The following IMMP2L variants were observed in gnomAD, a reference collection of about 807,000 sequenced individuals.
The protein encoded by IMMP2L is mitochondrial inner membrane protease subunit 2.
A neutral mutation model predicts 19.3 loss-of-function variants in IMMP2L; 18 were observed. The observed-to-expected ratio is 0.93, with a 90% CI of 0.64 to 1.38. IMMP2L has a LOEUF of 1.38. IMMP2L is among the 40% of genes most tolerant of loss of function. IMMP2L has a pLI of 0.00. For missense variants in IMMP2L, 233 were observed against 218.2 expected (o/e 1.07, Z -0.43); for synonymous variants, 76 against 73.0 (o/e 1.04, Z -0.21).
intron 3 of IMMP2L, among the ~76,000 whole-genome samples, chr7:111,279,514 C>T (rs1819466835): frequency 6.6e-6 from 1 of 152,040 alleles, no homozygotes; most frequent in Admixed American, 6.6e-5. Context: ...TTTCTACTAG[C>T]CAAAGGATGC....
rs144951794 is a variant in IMMP2L, at chr7:110,903,148, C to T, written c.306-16453G>A. ...ACAATTAGGTTCCCCCAGAGTGGCA[C>T]CCTTGCTTGCCACACACACCAGGCT... On this transcript the variant is annotated intron_variant, in intron 4 of 5. Transcript: ENST00000405709. Among the ~76,000 whole-genome samples the T allele has an allele frequency of 9.8e-4, 149 of 152,210 alleles. 2 individuals carry two copies. In the East Asian group the frequency reaches 0.014, roughly 14 times the overall value.
chr7:111,341,134 A>G (rs1017757214), intron 3 of IMMP2L, among the ~76,000 whole-genome samples: 2 of 152,142 alleles, frequency 1.3e-5, no homozygotes, highest in Non-Finnish European at 2.9e-5. Context: ...TGAATTCAGC[A>G]GAGCAATATT....
chr7:111,553,543 C>G (rs940412484), intron 1 of IMMP2L, among the ~76,000 whole-genome samples: 1 of 152,066 alleles, frequency 6.6e-6, no homozygotes, highest in African/African-American at 2.4e-5. Flanking sequence ...ACACTTAACA[C>G]ATTTAGAGAA....
At chr7:110,698,705 T>C (rs553487124) in intron 5 of IMMP2L, among the ~76,000 whole-genome samples, 1 of 152,270 alleles carries the variant, frequency 6.6e-6, no homozygotes, top group East Asian at 1.9e-4. Flanking sequence ...GAAAGCCAAA[T>C]GGATTTCGTT....
intron 5 of IMMP2L, among the ~76,000 whole-genome samples, chr7:110,669,310 G>A (rs1336787428): frequency 6.6e-6 from 1 of 152,104 alleles, no homozygotes; most frequent in Non-Finnish European, 1.5e-5. Context: ...GTCTGAAGAC[G>A]ATCTGCTGGT....
chr7:110,703,295 A>G (rs980318379), intron 5 of IMMP2L, among the ~76,000 whole-genome samples: 3 of 152,134 alleles, frequency 2.0e-5, no homozygotes, highest in African/African-American at 4.8e-5. Context: ...TGGTAACAAC[A>G]TATTATCCTT....
chr7:111,249,104 G>T (rs1238582820), intron 3 of IMMP2L, among the ~76,000 whole-genome samples: 1 of 65,110 alleles, frequency 1.5e-5, no homozygotes, highest in Non-Finnish European at 2.9e-5. Flanking sequence ...GCAATGGCGG[G>T]TGCCCCTCCC....
intron 3 of IMMP2L, among the ~76,000 whole-genome samples, chr7:111,231,019 A>C (rs1380721079): frequency 9.7e-6 from 1 of 103,586 alleles, no homozygotes; most frequent in East Asian, 3.0e-4. Context: ...GTAAATAAGT[A>C]GTGGCTGTGT....
At chr7:110,854,858 C>A (rs765284629) in intron 5 of IMMP2L, among the ~76,000 whole-genome samples, 23 of 151,858 alleles carry the variant, frequency 1.5e-4, no homozygotes, top group Non-Finnish European at 2.7e-4. Flanking sequence ...CCACATGCAG[C>A]CTAGTGCCTA....
At chr7:111,468,110 C>A (rs1227899377) in intron 3 of IMMP2L, among the ~76,000 whole-genome samples, 1 of 151,976 alleles carries the variant, frequency 6.6e-6, no homozygotes, top group African/African-American at 2.4e-5. Context: ...TACTAATGGC[C>A]ATAATTACTT....
chr7:110,762,259 A>T (rs1410427443), intron 5 of IMMP2L, among the ~76,000 whole-genome samples: 1 of 151,204 alleles, frequency 6.6e-6, no homozygotes, highest in Non-Finnish European at 1.5e-5. Flanking sequence ...TTTTTTCCCC[A>T]TCGGCAAGGT....
intron 3 of IMMP2L, chr7:111,390,874 C>G (rs1832284622): frequency 6.6e-6 from 1 of 152,102 alleles, no homozygotes; most frequent in Non-Finnish European, 1.5e-5. Flanking sequence ...AGCACAAATG[C>G]AGACACATTA....
chr7:110,693,663 C>G (rs562164150), intron 5 of IMMP2L, among the ~76,000 whole-genome samples: 4 of 152,086 alleles, frequency 2.6e-5, no homozygotes, highest in Non-Finnish European at 5.9e-5. Context: ...GAGGATGAAG[C>G]TTTCCTAGAG....
At chr7:110,730,651 AG>A (rs1796208537) in intron 5 of IMMP2L, among the ~76,000 whole-genome samples, 3 of 150,266 alleles carry the variant, frequency 2.0e-5, no homozygotes, top group South Asian at 4.2e-4. Flanking sequence ...CAGCCTCCCC[AG>A]CAGCTGGGAT....
chr7:111,201,386 C>T (rs977222355), intron 3 of IMMP2L, among the ~76,000 whole-genome samples: 1 of 151,734 alleles, frequency 6.6e-6, no homozygotes, highest in Admixed American at 6.6e-5. Context: ...ACCCAAAATT[C>T]CTATGTTGAA....
intron 4 of IMMP2L, among the ~76,000 whole-genome samples, chr7:110,917,444 T>C (rs762232685): frequency 1.6e-4 from 25 of 152,196 alleles, no homozygotes; most frequent in Non-Finnish European, 3.1e-4. Context: ...CATGTCAAAA[T>C]AGTGATACGT....
chr7:111,403,063 T>G (rs1157843685), intron 3 of IMMP2L, among the ~76,000 whole-genome samples: 1 of 132,362 alleles, frequency 7.6e-6, no homozygotes. Context: ...GGACTACAGG[T>G]GCAAGCTACC....
chr7:110,925,391 C>T (rs1814737676), intron 4 of IMMP2L, among the ~76,000 whole-genome samples: 1 of 152,110 alleles, frequency 6.6e-6, no homozygotes, highest in Non-Finnish European at 1.5e-5. Flanking sequence ...CGGATACTCT[C>T]ATAGCTGTAC....
At position 111,378,547 on chromosome 7, in the gene IMMP2L, G is replaced by A. The variant is rs572475954; in HGVS notation, c.239+108691C>T. ...ATTGTTATAATCACCCAAGGGCACC[G>A]CTGTAGTTGTAACTGGCAAATCAGA... is the stretch of plus-strand genomic sequence containing the variant. On this transcript the variant is annotated intron_variant, in intron 3 of 5. Transcript: ENST00000405709. 4.6e-5 allele frequency among the ~76,000 whole-genome samples: 7 copies of A among 152,022 alleles called. No individual in the cohort carries two copies. In the East Asian group the frequency reaches 5.8e-4, roughly 13 times the overall value.
Sources: gnomAD v4.1 joint callset for allele counts (sites outside exome capture counted in the v4.1 genomes callset) on GRCh38, gnomAD v4.1.1 for gene constraint, MANE v1.5 for transcripts, NCBI Gene and HGNC (gene_info 2026-07-23, HGNC 2026-07-21) for gene names.